Variants in PBX3 observed in about 807,000 individuals in gnomAD.
The protein encoded by PBX3 is PBX homeobox 3, also known as pre-B-cell leukemia transcription factor 3.
PBX3 carries 14 observed loss-of-function variants against 48.5 expected under a neutral mutation model. That is an observed-to-expected ratio of 0.29 (90% CI 0.19 to 0.45). The LOEUF (loss-of-function observed/expected upper bound fraction) is 0.45, where lower values mean the gene tolerates loss of function less well. Ranked by LOEUF, PBX3 falls within the 20% of genes least tolerant of loss-of-function variation. The pLI, the probability that PBX3 is intolerant of heterozygous loss-of-function variation, is 1.00. For synonymous variants in PBX3, 210 were observed against 200.3 expected, an observed-to-expected ratio of 1.05 and a Z score of -0.41; for missense variants, 386 against 546.7, an observed-to-expected ratio of 0.71 and a Z score of 2.93.
chr9:125,854,045 A>C (rs1839654919), intron 2 of PBX3, among the ~76,000 whole-genome samples: 1 of 152,136 alleles, frequency 6.6e-6, no homozygotes, highest in African/African-American at 2.4e-5. Flanking sequence ...CATGCACAAC[A>C]TGGCACTGTA....
chr9:125,927,552 G>C (rs903425678), intron 3 of PBX3, among the ~76,000 whole-genome samples: 2 of 152,164 alleles, frequency 1.3e-5, no homozygotes, highest in Admixed American at 6.5e-5. Context: ...GTCTTGCATT[G>C]ATCAGTGATT....
At chr9:125,799,527 C>A (rs929061107) in intron 2 of PBX3, among the ~76,000 whole-genome samples, 3 of 152,144 alleles carry the variant, frequency 2.0e-5, no homozygotes, top group African/African-American at 7.2e-5. Flanking sequence ...ACAAAACAAA[C>A]CTCTTATTTT....
chr9:125,945,099 C>T (rs556601133), intron 5 of PBX3, among the ~76,000 whole-genome samples: 216 of 152,088 alleles, frequency 1.4e-3, no homozygotes, highest in Non-Finnish European at 2.5e-3. Flanking sequence ...TGGCGCATGC[C>T]GGTGGTTCTA....
At chr9:125,821,677 A>G (rs1047015118) in intron 2 of PBX3, among the ~76,000 whole-genome samples, 16 of 152,110 alleles carry the variant, frequency 1.1e-4, no homozygotes, top group African/African-American at 3.9e-4. Flanking sequence ...TTTATCACCA[A>G]TTGTTGCTCT....
At chr9:125,810,148 T>C (rs1588169326) in intron 2 of PBX3, among the ~76,000 whole-genome samples, 1 of 152,170 alleles carries the variant, frequency 6.6e-6, no homozygotes, top group Non-Finnish European at 1.5e-5. Context: ...CTACCTGAAG[T>C]AGTTGATAAT....
At chr9:125,841,472 C>T (rs1164183283) in intron 2 of PBX3, among the ~76,000 whole-genome samples, 1 of 152,168 alleles carries the variant, frequency 6.6e-6, no homozygotes, top group Non-Finnish European at 1.5e-5. Context: ...CAGAGAAATG[C>T]ATGGCTAGAT....
chr9:125,947,489 G>A (rs1241204552), intron 5 of PBX3, among the ~76,000 whole-genome samples: 1 of 152,150 alleles, frequency 6.6e-6, no homozygotes, highest in East Asian at 1.9e-4. Context: ...TAAATCTCTA[G>A]GGTAGTTACT....
At chr9:125,855,167 C>T (rs532137937) in intron 2 of PBX3, among the ~76,000 whole-genome samples, 7 of 152,288 alleles carry the variant, frequency 4.6e-5, no homozygotes, top group Admixed American at 3.3e-4. Context: ...TTAGAGATCT[C>T]ATCTGCAAGA....
intron 2 of PBX3, among the ~76,000 whole-genome samples, chr9:125,858,815 A>G (rs772320731): frequency 4.6e-5 from 7 of 151,962 alleles, no homozygotes; most frequent in Non-Finnish European, 8.8e-5. Context: ...TAGTAGAGAC[A>G]GGGTTTCACC....
intron 8 of PBX3, among the ~76,000 whole-genome samples, 194 bp from the exon 9 acceptor site, chr9:125,965,637 A>G (rs1299077048): frequency 6.6e-6 from 1 of 152,188 alleles, no homozygotes; most frequent in Non-Finnish European, 1.5e-5. Flanking sequence ...CCAAGACTTT[A>G]CTTGATGGGA....
intron 2 of PBX3, among the ~76,000 whole-genome samples, chr9:125,861,322 A>AATG (rs1010915465): frequency 6.6e-6 from 1 of 150,718 alleles, no homozygotes; most frequent in Admixed American, 6.6e-5. Context: ...TAATAATAAT[A>AATG]ATGATAAAAG....
At chr9:125,752,521 T>C (rs1440856923) in intron 2 of PBX3, among the ~76,000 whole-genome samples, 1 of 152,212 alleles carries the variant, frequency 6.6e-6, no homozygotes, top group Non-Finnish European at 1.5e-5. Flanking sequence ...ACCTTTTATC[T>C]TTATTGCTAG....
At chr9:125,861,809 A>G (rs1588231926) in intron 2 of PBX3, among the ~76,000 whole-genome samples, 1 of 152,218 alleles carries the variant, frequency 6.6e-6, no homozygotes, top group South Asian at 2.1e-4. Context: ...GTTGCCAGGG[A>G]CTGAAGCAAG....
intron 5 of PBX3, among the ~76,000 whole-genome samples, chr9:125,959,940 C>T (rs942004314): frequency 3.3e-5 from 5 of 152,282 alleles, no homozygotes; most frequent in African/African-American, 7.2e-5. Context: ...CTCTCCTTGA[C>T]GTGTGATGAA....
At chr9:125,813,600 GC>G (rs1182625497) in intron 2 of PBX3, among the ~76,000 whole-genome samples, 1 of 152,156 alleles carries the variant, frequency 6.6e-6, no homozygotes, top group African/African-American at 2.4e-5. Context: ...GCCAATGAGA[GC>G]CCTTCAGGCT....
intron 2 of PBX3, among the ~76,000 whole-genome samples, chr9:125,880,084 G>T (rs1840346352): frequency 6.6e-6 from 1 of 152,144 alleles, no homozygotes; most frequent in Non-Finnish European, 1.5e-5. Flanking sequence ...TCACTCTGTT[G>T]CCCAGGCGGG....
chr9:125,772,296 G>A (rs1386044481), intron 2 of PBX3, among the ~76,000 whole-genome samples: 2 of 152,132 alleles, frequency 1.3e-5, no homozygotes, highest in African/African-American at 4.8e-5. Flanking sequence ...GCTTTATTGA[G>A]GTGATCGGGC....
chr9:125,780,911 T>A, intron 2 of PBX3, among the ~76,000 whole-genome samples: 1 of 138,456 alleles, frequency 7.2e-6, no homozygotes, highest in Admixed American at 7.2e-5. Flanking sequence ...GTCTCCTCAC[T>A]TCTCAGAGGG....
chr9:125,934,138 C>T (rs1407535277), intron 4 of PBX3, among the ~76,000 whole-genome samples: 1 of 152,126 alleles, frequency 6.6e-6, no homozygotes, highest in Non-Finnish European at 1.5e-5. Flanking sequence ...TTTAACCCTC[C>T]TAAAAATTAT....
Sources: allele counts gnomAD v4.1 joint callset (sites outside exome capture counted in the v4.1 genomes callset), GRCh38; gene constraint gnomAD v4.1.1; transcripts MANE v1.5; gene names NCBI Gene and HGNC (gene_info 2026-07-23, HGNC 2026-07-21).